Variants in SPATS2L observed in about 807,000 individuals in gnomAD.
SPATS2L encodes the protein spermatogenesis associated serine rich 2 like.
A neutral mutation model predicts 59.6 loss-of-function variants in SPATS2L; 30 were observed. The observed-to-expected ratio is 0.50, with a 90% CI of 0.38 to 0.68. The LOEUF is 0.68. Ranked by LOEUF, SPATS2L falls within the 30% of genes least tolerant of loss-of-function variation. The pLI is 0.00. For synonymous variants in SPATS2L, 252 were observed against 263.5 expected (o/e 0.96, Z 0.42); for missense variants, 615 against 700.0 (o/e 0.88, Z 1.37).
chr2:200,400,961 A>G (rs1056366917), intron 3 of SPATS2L, among the ~76,000 whole-genome samples: 15 of 152,192 alleles, frequency 9.9e-5, no homozygotes, highest in Non-Finnish European at 2.2e-4. Context: ...TTCCCCCATT[A>G]AAAGATGGAG....
intron 2 of SPATS2L, among the ~76,000 whole-genome samples, chr2:200,352,117 G>T (rs1306582890): frequency 1.3e-5 from 2 of 151,914 alleles, no homozygotes; most frequent in African/African-American, 4.8e-5. Context: ...GCCTGACAGT[G>T]TAGCAATGCC....
intron 1 of SPATS2L, among the ~76,000 whole-genome samples, chr2:200,319,675 A>C (rs1041399775): frequency 1.3e-5 from 2 of 151,374 alleles, no homozygotes; most frequent in African/African-American, 4.9e-5. Flanking sequence ...TGATCAGGGC[A>C]CTCTTTTATT....
chr2:200,338,526 G>A (rs2080216667), intron 2 of SPATS2L, among the ~76,000 whole-genome samples: 2 of 152,172 alleles, frequency 1.3e-5, no homozygotes, highest in African/African-American at 4.8e-5. Context: ...AGGGCTTGGA[G>A]AAACCAAAGC....
chr2:200,381,429 G>T (rs183741593), intron 2 of SPATS2L, among the ~76,000 whole-genome samples: 95 of 152,322 alleles, frequency 6.2e-4, no homozygotes, highest in Non-Finnish European at 5.9e-4. Flanking sequence ...AGTGTGGCCT[G>T]TCAGGATGAA....
At chr2:200,314,364 G>A (rs1410351774) in intron 1 of SPATS2L, among the ~76,000 whole-genome samples, 1 of 152,036 alleles carries the variant, frequency 6.6e-6, no homozygotes, top group Non-Finnish European at 1.5e-5. Context: ...CTTCATTACT[G>A]CCGTGGTTCG....
At chr2:200,444,733 C>T (rs1455920596) in intron 8 of SPATS2L, among the ~76,000 whole-genome samples, 3 of 152,090 alleles carry the variant, frequency 2.0e-5, no homozygotes, top group African/African-American at 7.2e-5. Context: ...TGAGCCCTGG[C>T]CCACTTCCCC....
chr2:200,477,515 T>TAA lies in SPATS2L; in HGVS notation c.1282-99_1282-98dup, dbSNP rs59073895. The stretch of plus-strand genomic sequence containing the variant: ...CATGTTTTCTGATTCTTCTGGTGTA[T>TAA]AAAAAAAAAAAAAAAAAAAAAAAGC... On this transcript the variant is annotated intron_variant, in intron 12 of 12. Coordinates refer to ENST00000409140, the MANE Select transcript of SPATS2L (RefSeq NM_001100423.2). 9.3e-4 allele frequency: 282 copies of TAA among 302,414 alleles called. 3 individuals are homozygous for TAA. The highest frequency in any genetic ancestry group is 5.3e-3 in the East Asian group (66 of 12,338). 18.7% of individuals were successfully genotyped at this position (302,414 alleles called of 1,614,324 possible). A position where few individuals can be genotyped will look rare whatever the true frequency, so the allele number is the denominator to read the frequency against.
intron 8 of SPATS2L, among the ~76,000 whole-genome samples, chr2:200,443,049 A>C (rs1293264144): frequency 6.6e-6 from 1 of 152,212 alleles, no homozygotes; most frequent in East Asian, 1.9e-4. Flanking sequence ...TTTCTGATCT[A>C]ATCCTTAATA....
chr2:200,480,026 A>G lies in SPATS2L; in HGVS notation c.*1995A>G, dbSNP rs1271065993. ...CCTGAATTCATATATTACAAGACGG[A>G]AGGATTTTGCACAGTTTTTTATGTA... On this transcript the variant is annotated 3_prime_UTR_variant, in exon 13 of 13. Transcript: ENST00000409140. The G allele has an allele frequency of 6.4e-6, 2 of 311,810 alleles. No individual in the cohort carries two copies. Among genetic ancestry groups the G allele is most frequent in the Non-Finnish European group, 1.2e-5 (2 of 171,724 alleles). 19.3% of individuals were successfully genotyped at this position (311,810 alleles called of 1,614,324 possible).
intron 1 of SPATS2L, among the ~76,000 whole-genome samples, chr2:200,319,656 T>C (rs2079499526): frequency 6.6e-6 from 1 of 151,546 alleles, no homozygotes; most frequent in Admixed American, 6.6e-5. Context: ...AGGCTGCTAT[T>C]CACTCCCTTG....
chr2:200,470,146 TA>T lies in SPATS2L; in HGVS notation c.1060+132del, dbSNP rs2086915990. The T allele has an allele frequency of 9.1e-6, 6 of 661,778 alleles. No individual in the cohort carries two copies. The South Asian group carries it at 1.2e-4, about 13-fold the overall frequency. 41.0% of individuals were successfully genotyped at this position (661,778 alleles called of 1,614,324 possible). On this transcript the variant is annotated intron_variant, in intron 11 of 12. Coordinates refer to ENST00000409140, the MANE Select transcript of SPATS2L (RefSeq NM_001100423.2). The stretch of plus-strand genomic sequence containing the variant: ...TGAGGTCTAAAGAGATTTAATGATC[TA>T]AGCTCATGACACAAGTCACCAGAAA...
At chr2:200,338,222 AC>A (rs1234270343) in intron 2 of SPATS2L, among the ~76,000 whole-genome samples, 2 of 152,132 alleles carry the variant, frequency 1.3e-5, no homozygotes, top group Admixed American at 6.5e-5. Context: ...ATGGGATTTC[AC>A]CATGTTGCCC....
intron 2 of SPATS2L, among the ~76,000 whole-genome samples, chr2:200,370,996 C>A (rs1648075749): frequency 6.6e-6 from 1 of 152,088 alleles, no homozygotes; most frequent in African/African-American, 2.4e-5. Flanking sequence ...AAAGAAAAAT[C>A]AACTGCCAAA....
intron 2 of SPATS2L, among the ~76,000 whole-genome samples, chr2:200,367,065 G>A (rs971353132): frequency 1.3e-5 from 2 of 152,070 alleles, no homozygotes; most frequent in Non-Finnish European, 1.5e-5. Context: ...CTGCAAAGTC[G>A]TAATATTATT....
intron 4 of SPATS2L, among the ~76,000 whole-genome samples, chr2:200,415,322 T>C (rs73986869): frequency 0.026 from 3,962 of 152,254 alleles, 174 homozygotes; most frequent in African/African-American, 0.09. Context: ...ACAGTGACAG[T>C]AGACTCAATA....
intron 10 of SPATS2L, among the ~76,000 whole-genome samples, chr2:200,468,347 T>TACACACACACACAC (rs141831238): frequency 0.2 from 21,961 of 110,068 alleles, 2,891 homozygotes; most frequent in South Asian, 0.26. Context: ...CCCAGTATAC[T>TACACACACACACAC]ACACACACAC....
In SPATS2L at chr2:200,340,174, G is replaced by A. The variant is rs140638975; in HGVS notation, c.-23+10694G>A. On this transcript the variant is annotated intron_variant, in intron 2 of 12. Transcript: ENST00000409140. Reference sequence around the variant, plus strand: ...AGGGCTGAGCAATCGCTCATCCTTGGTATTGGGTGGCCTCTGTTATGGTCC... The same window carrying A: ...AGGGCTGAGCAATCGCTCATCCTTGATATTGGGTGGCCTCTGTTATGGTCC... Among the ~76,000 whole-genome samples the A allele has an allele frequency of 9.5e-4, 145 of 152,284 alleles. No individual in the cohort carries two copies. The Middle Eastern group carries it at 0.01, about 11-fold the overall frequency.
chr2:200,472,608 G>T (rs1345703613), intron 11 of SPATS2L, among the ~76,000 whole-genome samples: 1 of 152,210 alleles, frequency 6.6e-6, no homozygotes, highest in South Asian at 2.1e-4. Flanking sequence ...TCCCAACTTG[G>T]ATGATTATGC....
intron 8 of SPATS2L, among the ~76,000 whole-genome samples, chr2:200,441,788 C>T (rs2084717667): frequency 1.3e-5 from 2 of 152,166 alleles, no homozygotes; most frequent in Admixed American, 6.5e-5. Context: ...CATGCCCAAG[C>T]TCATTAACAT....
Sources: allele counts gnomAD v4.1 joint callset (sites outside exome capture counted in the v4.1 genomes callset), GRCh38; gene constraint gnomAD v4.1.1; transcripts MANE v1.5; gene names NCBI Gene and HGNC (gene_info 2026-07-23, HGNC 2026-07-21).